ZNF665: variants seen among roughly 807,000 people sequenced by gnomAD.
ZNF665 encodes zinc finger protein 665.
ZNF665 carries 6 observed loss-of-function variants against 7.9 expected under a neutral mutation model. The ratio of observed to expected loss-of-function variants is 0.76; its 90% CI spans 0.42 to 1.50. The LOEUF (loss-of-function observed/expected upper bound fraction) is 1.50, where lower values mean the gene tolerates loss of function less well. Among genes scored for constraint, ZNF665 ranks in the 40% most tolerant of loss-of-function variants. The pLI, the probability that ZNF665 is intolerant of heterozygous loss-of-function variation, is 0.01. For synonymous variants in ZNF665, 242 were observed against 274.5 expected (o/e 0.88, Z 1.17); for missense variants, 819 against 806.7 (o/e 1.02, Z -0.18).
At chr19:53,177,738 G>T (rs1233593480) in intron 2 of ZNF665, among the ~76,000 whole-genome samples, 1 of 152,126 alleles carries the variant, frequency 6.6e-6, no homozygotes, top group Non-Finnish European at 1.5e-5. Flanking sequence ...TTAAAACTAT[G>T]ATGAGAGCAA....
chr19:53,192,019 T>C (rs920143039), intron 1 of ZNF665, among the ~76,000 whole-genome samples: 1 of 152,060 alleles, frequency 6.6e-6, no homozygotes, highest in Non-Finnish European at 1.5e-5. Context: ...CTCTCCTTGT[T>C]TCTTTTCTGT....
chr19:53,181,182 G>A (rs926357632), intron 2 of ZNF665: 2 of 152,160 alleles, frequency 1.3e-5, no homozygotes, highest in Admixed American at 1.3e-4. Context: ...CACCTTGGGA[G>A]GCCAAGGCGG....
intron 3 of ZNF665, among the ~76,000 whole-genome samples, chr19:53,173,372 C>CGTT (rs2090673008): frequency 1.3e-5 from 1 of 78,880 alleles, no homozygotes; most frequent in Non-Finnish European, 2.3e-5. Flanking sequence ...TTTTTTCACT[C>CGTT]TTTTTTTTTT....
In ZNF665 at chr19:53,164,262, C is replaced by T. The variant is rs1042848694; in HGVS notation, c.*191G>A. Reference sequence around the variant, plus strand: ...AAGTGATTCTCCTGCCTCAGCCTCCCGAGTAGCTGGGATTACAGGCGTGCA... The same window carrying T: ...AAGTGATTCTCCTGCCTCAGCCTCCTGAGTAGCTGGGATTACAGGCGTGCA... On this transcript the variant is annotated 3_prime_UTR_variant, in exon 4 of 4. Coordinates refer to ENST00000396424, the MANE Select transcript of ZNF665 (RefSeq NM_024733.5). 2.0e-5 allele frequency: 9 copies of T among 452,820 alleles called. No homozygotes were observed. Among genetic ancestry groups the T allele is most frequent in the South Asian group, 4.5e-5 (1 of 22,244 alleles). 28.1% of individuals were successfully genotyped at this position (452,820 alleles called of 1,614,324 possible). A position where few individuals can be genotyped will look rare whatever the true frequency, so the allele number is the denominator to read the frequency against.
rs753529154 is a variant in ZNF665 at position 53,165,178 on chromosome 19, C to T, written c.1312G>A (p.Ala438Thr). Residue 438 changes from alanine (A) to threonine (T), a missense_variant, in exon 4 of 4, where the codon GCC (alanine) becomes ACC (threonine). By Grantham distance (58) the Ala-to-Thr change is moderately conservative. Transcript: ENST00000396424. ...KPYRCDECGK[A>T]FSVRSSLTTH... ...GTTAGGCTTGATCGCACACTAAAGG[C>T]TTTGCCACACTCATCACACCTGTAA... The T allele has an allele frequency of 1.9e-6, 3 of 1,614,144 alleles. No homozygotes were observed. The highest frequency in any genetic ancestry group is 1.7e-6 in the Non-Finnish European group (2 of 1,180,016).
At chr19:53,191,217 TGAG>T (rs937117837) in intron 1 of ZNF665, among the ~76,000 whole-genome samples, 1 of 152,160 alleles carries the variant, frequency 6.6e-6, no homozygotes, top group Non-Finnish European at 1.5e-5. Flanking sequence ...TGCGTGTTGG[TGAG>T]GAGAAATCCC....
At position 53,174,120 on chromosome 19, in the gene ZNF665, G is replaced by A. The variant is rs141689052; in HGVS notation, c.142+1325C>T. 2.2e-4 allele frequency among the ~76,000 whole-genome samples: 34 copies of A among 152,268 alleles called. 1 individual carries two copies. In the East Asian group the frequency reaches 5.0e-3, roughly 22 times the overall value. On this transcript the variant is annotated intron_variant, in intron 3 of 3. Coordinates refer to ENST00000396424, the MANE Select transcript of ZNF665 (RefSeq NM_024733.5). ...TTCCAAGCTCATGAAATGGGATAAAGTATGGATAGAGGCACTTGCCAAAAC... is the reference window on the plus strand; with the variant it reads ...TTCCAAGCTCATGAAATGGGATAAAATATGGATAGAGGCACTTGCCAAAAC...
chr19:53,165,177 G>T lies in ZNF665; in HGVS notation c.1313C>A (p.Ala438Asp). 2.5e-6 allele frequency: 4 copies of T among 1,614,132 alleles called. No individual in the cohort carries two copies. In the South Asian group the frequency reaches 4.4e-5, roughly 18 times the overall value. Residue 438 changes from alanine (A) to aspartate (D), a missense_variant, in exon 4 of 4, where the codon GCC (alanine) becomes GAC (aspartate). Physicochemically the swap from Ala to Asp is moderately radical, Grantham distance 126. Transcript: ENST00000396424. ...KPYRCDECGKAFSVRSSLTTH... is the reference protein window; with the variant it reads ...KPYRCDECGKDFSVRSSLTTH... ...AGTTAGGCTTGATCGCACACTAAAG[G>T]CTTTGCCACACTCATCACACCTGTA...
At chr19:53,174,376 A>G (rs2090680593) in intron 3 of ZNF665, among the ~76,000 whole-genome samples, 2 of 152,210 alleles carry the variant, frequency 1.3e-5, no homozygotes. Flanking sequence ...TCTAAAGAAC[A>G]GGGTATTAAG....
rs1049410715 is a variant in ZNF665 at position 53,165,656 on chromosome 19, A to G, written c.834T>C (p.Thr278=). 5 of 1,613,594 alleles carry G rather than the reference A, an allele frequency of 3.1e-6. No homozygotes were observed. Among genetic ancestry groups the G allele is most frequent in the African/African-American group, 2.7e-5 (2 of 74,744 alleles). Residue 278 remains threonine (T), a synonymous_variant, in exon 4 of 4, where the codon ACT becomes ACC. Transcript: ENST00000396424. ...GKAFRAHSKL[T]THQVIHTGEK... is the part of the protein sequence containing the mutation. ...CTCCAGTATGGATGACCTGATGTGT[A>G]GTTAGTTTTGAATGTGCTCTAAAGG...
chr19:53,192,350 T>A (rs2090823732), intron 1 of ZNF665, among the ~76,000 whole-genome samples: 1 of 152,116 alleles, frequency 6.6e-6, no homozygotes, highest in Non-Finnish European at 1.5e-5. Context: ...CCCTTCTTGC[T>A]GTCCCAGCAC....
chr19:53,166,773 T>C (rs1326738014), intron 3 of ZNF665, among the ~76,000 whole-genome samples: 1 of 152,168 alleles, frequency 6.6e-6, no homozygotes, highest in Non-Finnish European at 1.5e-5. Context: ...TATACTCTAA[T>C]GGCAAATAAC....
At position 53,164,765 on chromosome 19, in the gene ZNF665, G is replaced by A. The variant is rs184736845; in HGVS notation, c.1725C>T (p.Cys575=). ...TTGAATGTACACTAAATGCTTTGCC[G>A]CACTCATTACACTTATAAGGTTTCT... is the stretch of plus-strand genomic sequence containing the variant. ...TGEKPYKCNE[C]GKAFSVHSNL... is the part of the protein sequence containing the mutation. The change falls in exon 4 of 4, where the codon TGC becomes TGT. Residue 575 remains cysteine, a synonymous_variant. Coordinates refer to ENST00000396424, the MANE Select transcript of ZNF665 (RefSeq NM_024733.5). 193 of 1,613,968 alleles carry A rather than the reference G, an allele frequency of 1.2e-4. No individual in the cohort carries two copies. The highest frequency in any genetic ancestry group is 7.0e-4 in the Admixed American group (42 of 60,002).
At chr19:53,189,389 G>A (rs12232808) in intron 1 of ZNF665, among the ~76,000 whole-genome samples, 31,347 of 150,522 alleles carry the variant, frequency 0.21, 3,730 homozygotes, top group Admixed American at 0.27. Context: ...GTTATTTATT[G>A]GATACAAGGC....
chr19:53,175,357 C>A, intron 3 of ZNF665, 88 bp downstream of exon 3: 1 of 1,492,380 alleles, frequency 6.7e-7, no homozygotes, highest in Non-Finnish European at 9.1e-7. Context: ...CCTCATCAAG[C>A]AATGCAGGGG....
intron 3 of ZNF665, among the ~76,000 whole-genome samples, chr19:53,174,309 T>C (rs563692976): frequency 6.6e-6 from 1 of 152,168 alleles, no homozygotes; most frequent in Non-Finnish European, 1.5e-5. Flanking sequence ...AGACTTTGCA[T>C]GTGTTGCTCT....
chr19:53,169,004 A>G (rs1218427832), intron 3 of ZNF665, among the ~76,000 whole-genome samples: 1 of 152,152 alleles, frequency 6.6e-6, no homozygotes, highest in East Asian at 1.9e-4. Flanking sequence ...GAAAACCAAC[A>G]TGAGGAAAAA....
chr19:53,168,937 T>C (rs1276319805), intron 3 of ZNF665, among the ~76,000 whole-genome samples: 1 of 151,918 alleles, frequency 6.6e-6, no homozygotes, highest in Non-Finnish European at 1.5e-5. Flanking sequence ...TATAGAAAAA[T>C]ATACTCAAAT....
chr19:53,183,028 C>G (rs2090750173), intron 1 of ZNF665, 85 bp from the exon 2 acceptor site: 1 of 1,390,370 alleles, frequency 7.2e-7, no homozygotes, highest in African/African-American at 1.4e-5. Flanking sequence ...CACACCCCCT[C>G]CCTGGGCCAT....
Sources: allele counts gnomAD v4.1 joint callset (sites outside exome capture counted in the v4.1 genomes callset), GRCh38; gene constraint gnomAD v4.1.1; transcripts MANE v1.5; gene names NCBI Gene and HGNC (gene_info 2026-07-23, HGNC 2026-07-21).